DOCK8: variants seen among roughly 807,000 people sequenced by gnomAD.
DOCK8 encodes the protein dedicator of cytokinesis protein 8.
DOCK8 carries 141 observed loss-of-function variants against 245.6 expected under a neutral mutation model. That is an observed-to-expected ratio of 0.57 (90% CI 0.50 to 0.66). DOCK8 has a LOEUF of 0.66. DOCK8 is among the 30% of genes least tolerant of loss of function. The pLI is 0.00. For synonymous variants in DOCK8, 1,168 were observed against 970.2 expected, an observed-to-expected ratio of 1.20 and a Z score of -3.79; for missense variants, 2,965 against 2,603.4, an observed-to-expected ratio of 1.14 and a Z score of -3.02.
chr9:232,610 C>A (rs1327590776), intron 1 of DOCK8, among the ~76,000 whole-genome samples: 4 of 152,108 alleles, frequency 2.6e-5, no homozygotes, highest in Non-Finnish European at 5.9e-5. Flanking sequence ...CAACTTCTTC[C>A]TGGTTTAGTC....
intron 46 of DOCK8, among the ~76,000 whole-genome samples, chr9:463,038 T>A (rs2057855069): frequency 6.6e-6 from 1 of 152,222 alleles, no homozygotes; most frequent in South Asian, 2.1e-4. Context: ...ACATAGCAAG[T>A]CAGAGGTTCT....
intron 18 of DOCK8, among the ~76,000 whole-genome samples, chr9:375,045 A>C (rs2053462471): frequency 6.6e-6 from 1 of 152,150 alleles, no homozygotes; most frequent in Non-Finnish European, 1.5e-5. Context: ...CCAGTACTCA[A>C]ATGAAGTTAG....
Position 439,322 on chromosome 9 carries a change from A to C in DOCK8, c.5157A>C (p.Ala1719=), listed in dbSNP as rs559154769. ...TLSPDEDGVC[A]GQYFTESGLV... ...CACCTGACGAGGATGGGGTGTGCGCAGGCCAGTACTTCACCGAGAGTGGCC... is the reference window on the plus strand; with the variant it reads ...CACCTGACGAGGATGGGGTGTGCGCCGGCCAGTACTTCACCGAGAGTGGCC... Residue 1719 remains alanine (A), a synonymous_variant, in exon 40 of 48, where the codon GCA becomes GCC. Coordinates refer to ENST00000432829, the MANE Select transcript of DOCK8 (RefSeq NM_203447.4). 5.6e-6 allele frequency: 9 copies of C among 1,613,990 alleles called. No homozygotes were observed. Among genetic ancestry groups the C allele is most frequent in the Non-Finnish European group, 7.6e-6 (9 of 1,180,008 alleles).
intron 2 of DOCK8, among the ~76,000 whole-genome samples, chr9:275,986 G>A (rs962812373): frequency 2.0e-5 from 3 of 151,956 alleles, no homozygotes; most frequent in South Asian, 2.1e-4. Context: ...TGCCTCCTGC[G>A]TTCAAGTGAT....
intron 1 of DOCK8, among the ~76,000 whole-genome samples, chr9:241,906 A>G (rs1177944245): frequency 1.3e-5 from 2 of 152,218 alleles, no homozygotes; most frequent in Non-Finnish European, 2.9e-5. Flanking sequence ...GAGCCACAGC[A>G]CCTGGCATGG....
At chr9:404,598 A>T (rs564761518) in intron 26 of DOCK8, among the ~76,000 whole-genome samples, 19 of 152,304 alleles carry the variant, frequency 1.2e-4, no homozygotes, top group African/African-American at 4.1e-4. Flanking sequence ...TGTAAAATTA[A>T]TTATGTTACG....
chr9:275,897 CT>C (rs35653155), intron 2 of DOCK8, among the ~76,000 whole-genome samples: 29,152 of 79,730 alleles, frequency 0.37, 3,186 homozygotes, highest in African/African-American at 0.48. Flanking sequence ...CCTAGTTTTA[CT>C]TTTTTTTTTT....
intron 7 of DOCK8, among the ~76,000 whole-genome samples, chr9:317,558 A>G (rs60363463): frequency 0.014 from 2,060 of 152,314 alleles, 52 homozygotes; most frequent in African/African-American, 0.046. Flanking sequence ...AAATCAGCCA[A>G]TGCTACACGT....
chr9:325,310 A>G (rs1045056325), intron 7 of DOCK8, among the ~76,000 whole-genome samples: 4 of 152,188 alleles, frequency 2.6e-5, no homozygotes, highest in African/African-American at 4.8e-5. Context: ...GAACAAGTCC[A>G]TTACCTCAGA....
intron 14 of DOCK8, among the ~76,000 whole-genome samples, chr9:367,692 A>C (rs1157241075): frequency 6.6e-6 from 1 of 152,190 alleles, no homozygotes; most frequent in Non-Finnish European, 1.5e-5. Context: ...AATGAGCTGG[A>C]CCTTTTTTGC....
intron 1 of DOCK8, among the ~76,000 whole-genome samples, chr9:240,598 G>A (rs1185865718): frequency 6.6e-6 from 1 of 151,988 alleles, no homozygotes; most frequent in Non-Finnish European, 1.5e-5. Context: ...TCTTTTTATT[G>A]CCAGAGCTAC....
At position 215,036 on chromosome 9, in the gene DOCK8, C is replaced by A. The variant is rs1192346742; in HGVS notation, c.53+7C>A. The A allele has an allele frequency of 6.3e-7, 1 of 1,575,252 alleles. No individual in the cohort carries two copies. On this transcript the variant is annotated splice_region_variant and intron_variant, in intron 1 of 47. Transcript: ENST00000432829. The stretch of plus-strand genomic sequence containing the variant: ...TCGCGCTCAAGATCAACAGGTAAGA[C>A]GCCCCCCGCGGCGCGCAGGTTGCGG...
intron 14 of DOCK8, among the ~76,000 whole-genome samples, chr9:360,191 CT>C (rs902564497): frequency 7.2e-5 from 11 of 152,158 alleles, no homozygotes; most frequent in African/African-American, 2.7e-4. Flanking sequence ...TAGCATGCTC[CT>C]GTAGTCCCAG....
intron 17 of DOCK8, 43 bp downstream of exon 17, chr9:371,609 T>A: frequency 6.2e-7 from 1 of 1,613,468 alleles, no homozygotes; most frequent in Non-Finnish European, 8.5e-7. Flanking sequence ...CAGTTGTTGG[T>A]GCATCTGAGG....
chr9:418,487 C>T (rs2056132073), intron 30 of DOCK8, among the ~76,000 whole-genome samples: 1 of 152,090 alleles, frequency 6.6e-6, no homozygotes, highest in Non-Finnish European at 1.5e-5. Flanking sequence ...AGGCTGGTCT[C>T]AAACTCCCAA....
At chr9:327,453 G>C (rs566722606) in intron 8 of DOCK8, among the ~76,000 whole-genome samples, 115 of 150,888 alleles carry the variant, frequency 7.6e-4, no homozygotes, top group African/African-American at 2.8e-3. Context: ...GCATGCAGTG[G>C]GGCGATCTTG....
At position 377,180 on chromosome 9, in the gene DOCK8, C is replaced by T. The variant is rs965001023; in HGVS notation, c.2409C>T (p.Ser803=). 8.1e-6 allele frequency: 13 copies of T among 1,601,210 alleles called. No homozygotes were observed. Among genetic ancestry groups the T allele is most frequent in the Non-Finnish European group, 1.0e-5 (12 of 1,178,760 alleles). The part of the protein sequence containing the change: ...HLVLDKLFQL[S]VQPMVIAGQT... ...TGCTGGACAAGCTCTTCCAGCTGTC[C>T]GTGCAGCCCATGGTCATCGCTGGCC... Residue 803 remains serine, a synonymous_variant, in exon 20 of 48, where the codon TCC becomes TCT. Transcript: ENST00000432829.
At position 304,594 on chromosome 9, in the gene DOCK8, C is replaced by T. The variant is rs1462115348; in HGVS notation, c.418C>T (p.Pro140Ser). ...CAACCATAAAAGAAACCAAGGAAGT[C>T]CAGAAATCTGTGGCTTTAAAAAGAC... ...LIVNRKNQGS[P>S]EICGFKKTGS... The change falls in exon 5 of 48, where the codon CCA becomes TCA. Residue 140 changes from proline (P) to serine (S), a missense_variant. This residue lies in a region of DOCK8 where 2,825 missense variants were observed against 2,453.5 expected (regional missense o/e 1.15). Coordinates refer to ENST00000432829, the MANE Select transcript of DOCK8 (RefSeq NM_203447.4). The T allele has an allele frequency of 1.2e-6, 2 of 1,614,134 alleles. No homozygotes were observed. Among genetic ancestry groups the T allele is most frequent in the South Asian group, 1.1e-5 (1 of 91,080 alleles).
chr9:338,681 G>T (rs2051432530), intron 12 of DOCK8, among the ~76,000 whole-genome samples: 1 of 152,040 alleles, frequency 6.6e-6, no homozygotes, highest in Non-Finnish European at 1.5e-5. Flanking sequence ...TTGTTCCGGG[G>T]GGTAATACTG....
Sources: gnomAD v4.1 joint callset for allele counts (sites outside exome capture counted in the v4.1 genomes callset) on GRCh38, gnomAD v4.1.1 for gene constraint, gnomAD v4.1.1 regional missense constraint, MANE v1.5 for transcripts, NCBI Gene and HGNC (gene_info 2026-07-23, HGNC 2026-07-21) for gene names.